PRKN: variants seen among roughly 807,000 people sequenced by gnomAD.
The protein encoded by PRKN is E3 ubiquitin-protein ligase parkin.
PRKN carries 56 observed loss-of-function variants against 59.5 expected under a neutral mutation model. The observed-to-expected ratio is 0.94, with a 90% CI of 0.76 to 1.18. The LOEUF (loss-of-function observed/expected upper bound fraction) is 1.18, where lower values mean the gene tolerates loss of function less well. Among genes scored for constraint, PRKN ranks in the 50% most tolerant of loss-of-function variants. PRKN has a pLI of 0.00. For synonymous variants in PRKN, 250 were observed against 222.1 expected (o/e 1.13, Z -1.12); for missense variants, 657 against 596.4 (o/e 1.10, Z -1.06).
At chr6:161,564,144 C>T (rs190220336) in intron 8 of PRKN, among the ~76,000 whole-genome samples, 9 of 152,270 alleles carry the variant, frequency 5.9e-5, no homozygotes, top group Admixed American at 4.6e-4. Context: ...TTCACCAGCT[C>T]CTGGAGCAGT....
chr6:161,525,579 A>C lies in PRKN; in HGVS notation c.1083+23275T>G, dbSNP rs73591693. On this transcript the variant is annotated intron_variant, in intron 9 of 11. Coordinates refer to ENST00000366898, the MANE Select transcript of PRKN (RefSeq NM_004562.3). The surrounding 1 kb of genome is among the most constrained non-coding windows in gnomAD (Gnocchi z 4.7). ...AAATGATCAGAAAGCAAAGAGAGGAAAAGTTTAGTTTATGAGAAGGCTGTA... is the reference window on the plus strand; with the variant it reads ...AAATGATCAGAAAGCAAAGAGAGGACAAGTTTAGTTTATGAGAAGGCTGTA... Among the ~76,000 whole-genome samples, 614 of 152,322 alleles carry C rather than the reference A, an allele frequency of 4.0e-3. 5 individuals are homozygous for C. The highest frequency in any genetic ancestry group is 0.014 in the African/African-American group (580 of 41,578).
intron 6 of PRKN, among the ~76,000 whole-genome samples, chr6:161,956,209 G>C (rs1780164279): frequency 6.6e-6 from 1 of 152,180 alleles, no homozygotes; most frequent in Admixed American, 6.6e-5. Context: ...GGTAGAACTG[G>C]GTTTTGAACA....
chr6:161,715,456 G>A (rs770524143), intron 7 of PRKN, among the ~76,000 whole-genome samples: 4 of 152,070 alleles, frequency 2.6e-5, no homozygotes, highest in Non-Finnish European at 4.4e-5. Context: ...TTTACTCAGT[G>A]AATATGTATC....
chr6:162,578,345 G>A (rs1168385945), intron 1 of PRKN, among the ~76,000 whole-genome samples: 1 of 152,110 alleles, frequency 6.6e-6, no homozygotes. Flanking sequence ...AAGGTTATGT[G>A]TGTGCATATA....
chr6:161,680,026 T>A (rs1785258372), intron 7 of PRKN, among the ~76,000 whole-genome samples: 1 of 152,084 alleles, frequency 6.6e-6, no homozygotes, highest in African/African-American at 2.4e-5. Flanking sequence ...AGTGCTGGGA[T>A]TACAGGCATG....
intron 2 of PRKN, among the ~76,000 whole-genome samples, chr6:162,386,160 A>G (rs1786794315): frequency 6.6e-6 from 1 of 152,208 alleles, no homozygotes; most frequent in Admixed American, 6.5e-5. Flanking sequence ...TGGGGACTAC[A>G]GTTAATGACG....
At chr6:161,993,934 T>C (rs1781743698) in intron 5 of PRKN, among the ~76,000 whole-genome samples, 1 of 152,114 alleles carries the variant, frequency 6.6e-6, no homozygotes, top group Admixed American at 6.5e-5. Context: ...TCATGAGAAC[T>C]AATACAGCCC....
chr6:162,451,698 GA>G (rs1790635392), intron 1 of PRKN, among the ~76,000 whole-genome samples: 1 of 151,966 alleles, frequency 6.6e-6, no homozygotes, highest in African/African-American at 2.4e-5. Flanking sequence ...CATTAGTGAA[GA>G]ATAAAGAATT....
chr6:162,305,215 G>A (rs1166618295), intron 2 of PRKN, among the ~76,000 whole-genome samples: 14 of 152,128 alleles, frequency 9.2e-5, no homozygotes, highest in Admixed American at 9.2e-4. Flanking sequence ...TTGCCAATAT[G>A]TCATGGCTAA....
chr6:162,201,935 C>T (rs930603835), intron 3 of PRKN, among the ~76,000 whole-genome samples: 4 of 152,152 alleles, frequency 2.6e-5, no homozygotes, highest in African/African-American at 9.7e-5. Context: ...AGTTCAATCT[C>T]AGATCATTTC....
intron 7 of PRKN, among the ~76,000 whole-genome samples, chr6:161,776,730 A>C (rs185208435): frequency 7.8e-4 from 119 of 152,312 alleles, no homozygotes; most frequent in African/African-American, 2.7e-3. Context: ...TGAAGACCAC[A>C]GCCTAGGGAG....
intron 2 of PRKN, among the ~76,000 whole-genome samples, chr6:162,294,951 C>T (rs192188533): frequency 3.9e-5 from 6 of 152,262 alleles, no homozygotes; most frequent in African/African-American, 1.2e-4. Context: ...TGTGCTTCCT[C>T]GATCACTAAC....
chr6:161,765,229 C>G (rs1446146455), intron 7 of PRKN, among the ~76,000 whole-genome samples: 4 of 152,172 alleles, frequency 2.6e-5, no homozygotes, highest in Non-Finnish European at 5.9e-5. Context: ...AACACAGAAG[C>G]TACCCGTGCC....
intron 2 of PRKN, among the ~76,000 whole-genome samples, chr6:162,334,362 G>T (rs1783734026): frequency 6.6e-6 from 1 of 152,192 alleles, no homozygotes. Flanking sequence ...TATCTTGTTA[G>T]GGGCAAATGC....
chr6:161,908,769 G>A (rs138656745), intron 6 of PRKN, among the ~76,000 whole-genome samples: 262 of 151,910 alleles, frequency 1.7e-3, no homozygotes, highest in Non-Finnish European at 3.0e-3. Flanking sequence ...AATGCATCTC[G>A]AACTATTTTT....
chr6:161,629,607 T>C (rs1783220837), intron 7 of PRKN, among the ~76,000 whole-genome samples: 1 of 152,164 alleles, frequency 6.6e-6, no homozygotes, highest in Non-Finnish European at 1.5e-5. Flanking sequence ...CCTCCTGTCT[T>C]GCCCTTCCCA....
chr6:161,776,379 T>G (rs1265025958), intron 7 of PRKN, among the ~76,000 whole-genome samples: 1 of 152,160 alleles, frequency 6.6e-6, no homozygotes, highest in Non-Finnish European at 1.5e-5. Context: ...TTGTCAGAGG[T>G]TCTGGAAATA....
intron 7 of PRKN, among the ~76,000 whole-genome samples, chr6:161,598,689 G>A (rs1472386564): frequency 1.3e-5 from 2 of 152,128 alleles, no homozygotes; most frequent in African/African-American, 4.8e-5. Context: ...CAAAGCATAA[G>A]ATACAGGATA....
intron 9 of PRKN, among the ~76,000 whole-genome samples, chr6:161,504,112 T>C (rs515878): frequency 0.8 from 120,723 of 151,828 alleles, 48,263 homozygotes; most frequent in Middle Eastern, 0.87. Context: ...TGACTTCTTA[T>C]AGTTAGAGGT....
Sources: gnomAD v4.1 joint callset for allele counts (sites outside exome capture counted in the v4.1 genomes callset) on GRCh38, gnomAD v4.1.1 for gene constraint, Gnocchi (gnomAD v3.1) non-coding constraint, MANE v1.5 for transcripts, NCBI Gene and HGNC (gene_info 2026-07-23, HGNC 2026-07-21) for gene names.